PRDM16: variants seen among roughly 807,000 people sequenced by gnomAD.
The protein encoded by PRDM16 is histone-lysine N-methyltransferase PRDM16.
A neutral mutation model predicts 110.6 loss-of-function variants in PRDM16; 23 were observed. That is an observed-to-expected ratio of 0.21 (90% CI 0.15 to 0.29). The LOEUF is 0.29. Ranked by LOEUF, PRDM16 falls within the 10% of genes least tolerant of loss-of-function variation. PRDM16 has a pLI of 1.00. For missense variants in PRDM16, 1,615 were observed against 1,794.3 expected, an observed-to-expected ratio of 0.90 and a Z score of 1.81; for synonymous variants, 799 against 781.8, an observed-to-expected ratio of 1.02 and a Z score of -0.37.
At chr1:3,227,896 C>T (rs1013461997) in intron 2 of PRDM16, among the ~76,000 whole-genome samples, 6 of 151,970 alleles carry the variant, frequency 3.9e-5, no homozygotes, top group East Asian at 1.9e-4. Flanking sequence ...TTTTCCATCA[C>T]GACAAGTGCC....
intron 2 of PRDM16, among the ~76,000 whole-genome samples, chr1:3,194,985 G>A (rs902240876): frequency 2.4e-4 from 36 of 152,326 alleles, no homozygotes; most frequent in African/African-American, 8.2e-4. Flanking sequence ...TCCCCACTCA[G>A]GAGCTTCTGG....
At chr1:3,224,631 G>A (rs1220373442) in intron 2 of PRDM16, among the ~76,000 whole-genome samples, 1 of 152,236 alleles carries the variant, frequency 6.6e-6, no homozygotes, top group Admixed American at 6.5e-5. Flanking sequence ...TCTTAAACCT[G>A]CAGAACTGTG....
At chr1:3,396,357 T>C in intron 4 of PRDM16, 134 bp from the exon 5 acceptor site, 1 of 709,600 alleles carries the variant, frequency 1.4e-6, no homozygotes. Flanking sequence ...TAGTGGACCC[T>C]CTTGGTGGCA....
rs1638914777 is a variant in PRDM16, at chr1:3,436,545, C to A, written c.*2734C>A. 4.3e-6 allele frequency: 1 copy of A among 231,336 alleles called. No individual in the cohort carries two copies. Among genetic ancestry groups the A allele is most frequent in the Admixed American group, 5.6e-5 (1 of 17,724 alleles). The allele number at this position is 231,336 out of a possible 1,614,324, so 14.3% of individuals were successfully genotyped here. A position where few individuals can be genotyped will look rare whatever the true frequency, so the allele number is the denominator to read the frequency against. On this transcript the variant is annotated 3_prime_UTR_variant, in exon 17 of 17. Coordinates refer to ENST00000270722, the MANE Select transcript of PRDM16 (RefSeq NM_022114.4). ...GAGGCCCTGTTCTTAGAGCCCCTGACAAAGGCAGCACTTATTTCCTGGGCT... is the reference window on the plus strand; with the variant it reads ...GAGGCCCTGTTCTTAGAGCCCCTGAAAAAGGCAGCACTTATTTCCTGGGCT...
At chr1:3,397,145 C>T (rs571389583) in intron 5 of PRDM16, among the ~76,000 whole-genome samples, 2 of 152,284 alleles carry the variant, frequency 1.3e-5, no homozygotes, top group African/African-American at 4.8e-5. Flanking sequence ...GCAAAATGTG[C>T]ATCTGTAGCT....
chr1:3,131,781 G>T (rs943841038), intron 1 of PRDM16, among the ~76,000 whole-genome samples: 1 of 152,170 alleles, frequency 6.6e-6, no homozygotes, highest in African/African-American at 2.4e-5. Context: ...AGGGGAGGCC[G>T]TGGCCCAGGC....
intron 12 of PRDM16, among the ~76,000 whole-genome samples, chr1:3,419,749 G>A (rs1023100974): frequency 6.6e-6 from 1 of 152,052 alleles, no homozygotes; most frequent in Non-Finnish European, 1.5e-5. Flanking sequence ...CCATCCCTGG[G>A]GAAGGAGACC....
rs76494938 is a variant in PRDM16 at position 3,175,159 on chromosome 1, A to G, written c.38-10966A>G. ...GGAGAAGCTATTGCCTTTACCGCACAGTTTTAAAGACAGAAGAACAAGATA... is the reference window on the plus strand; with the variant it reads ...GGAGAAGCTATTGCCTTTACCGCACGGTTTTAAAGACAGAAGAACAAGATA... On this transcript the variant is annotated intron_variant, in intron 1 of 16. Transcript: ENST00000270722. The surrounding 1 kb of genome is among the most constrained non-coding windows in gnomAD (Gnocchi z 4.8). Among the ~76,000 whole-genome samples, 618 of 152,316 alleles carry G rather than the reference A, an allele frequency of 4.1e-3. 3 individuals carry two copies. Among genetic ancestry groups the G allele is most frequent in the African/African-American group, 0.014 (576 of 41,564 alleles).
chr1:3,368,104 A>G (rs1642846948), intron 3 of PRDM16, among the ~76,000 whole-genome samples: 1 of 152,192 alleles, frequency 6.6e-6, no homozygotes, highest in South Asian at 2.1e-4. Context: ...CAGTCTATCC[A>G]TTCCCAACAG....
intron 3 of PRDM16, among the ~76,000 whole-genome samples, chr1:3,270,465 CGAG>C (rs1640420398): frequency 8.1e-6 from 1 of 122,882 alleles, no homozygotes; most frequent in Non-Finnish European, 1.7e-5. Flanking sequence ...GGACAGTCGG[CGAG>C]GAGGACAGTC....
At chr1:3,332,142 G>A (rs1447116357) in intron 3 of PRDM16, among the ~76,000 whole-genome samples, 4 of 152,218 alleles carry the variant, frequency 2.6e-5, no homozygotes, top group East Asian at 1.9e-4. Context: ...TTCAGGCTCC[G>A]CATCTCCCAC....
chr1:3,239,117 G>C (rs756136059), intron 2 of PRDM16, among the ~76,000 whole-genome samples: 1 of 152,182 alleles, frequency 6.6e-6, no homozygotes, highest in Non-Finnish European at 1.5e-5. Context: ...CAGCACCCAC[G>C]GCTTCCATTT....
chr1:3,353,241 G>C lies in PRDM16; in HGVS notation c.439-31911G>C, dbSNP rs1245146852. Among the ~76,000 whole-genome samples, 1 of 152,230 alleles carries C rather than the reference G, an allele frequency of 6.6e-6. No homozygotes were observed. The highest frequency in any genetic ancestry group is 2.4e-5 in the African/African-American group (1 of 41,472). Reference sequence around the variant, plus strand: ...TGAAATGCATGTTGCCTGAGGTGCGGTAAAAGTTTACGAGGGCTGGGCAGC... The same window carrying C: ...TGAAATGCATGTTGCCTGAGGTGCGCTAAAAGTTTACGAGGGCTGGGCAGC... On this transcript the variant is annotated intron_variant, in intron 3 of 16. Coordinates refer to ENST00000270722, the MANE Select transcript of PRDM16 (RefSeq NM_022114.4). This position sits in a 1 kb window ranked among gnomAD's most constrained non-coding sequence, Gnocchi z 5.4.
At chr1:3,145,884 C>T (rs903070451) in intron 1 of PRDM16, among the ~76,000 whole-genome samples, 5 of 152,208 alleles carry the variant, frequency 3.3e-5, no homozygotes, top group South Asian at 2.1e-4. Flanking sequence ...AGCAGGTGGG[C>T]AGCCCGGTCA....
intron 2 of PRDM16, among the ~76,000 whole-genome samples, chr1:3,238,879 G>T (rs1211310158): frequency 1.3e-5 from 2 of 152,240 alleles, no homozygotes; most frequent in Non-Finnish European, 2.9e-5. Context: ...GCAGCTCCTC[G>T]ACATCTGCCC....
rs907228736 is a variant in PRDM16 at position 3,190,502 on chromosome 1, G to A, written c.387+4028G>A. ...AACCCGCTTTGTTCCTGGGTGCTGC[G>A]AGGCATCCTGAGCTGTGCCCTGAGT... On this transcript the variant is annotated intron_variant, in intron 2 of 16. Transcript: ENST00000270722. This position sits in a 1 kb window ranked among gnomAD's most constrained non-coding sequence, Gnocchi z 5.0. Among the ~76,000 whole-genome samples, 10 of 152,108 alleles carry A rather than the reference G, an allele frequency of 6.6e-5. No individual in the cohort carries two copies. Among genetic ancestry groups the A allele is most frequent in the African/African-American group, 1.7e-4 (7 of 41,430 alleles).
At chr1:3,343,784 G>A (rs554040258) in intron 3 of PRDM16, among the ~76,000 whole-genome samples, 2 of 151,998 alleles carry the variant, frequency 1.3e-5, no homozygotes, top group African/African-American at 4.8e-5. Context: ...GGGACTACAG[G>A]CATCCACCAC....
In PRDM16 at chr1:3,217,098, G is replaced by A. The variant is rs558060717; in HGVS notation, c.388-26989G>A. Among the ~76,000 whole-genome samples, 67 of 152,384 alleles carry A rather than the reference G, an allele frequency of 4.4e-4. 2 individuals are homozygous for A. The highest frequency in any genetic ancestry group is 3.1e-3 in the Admixed American group (47 of 15,308). On this transcript the variant is annotated intron_variant, in intron 2 of 16. Transcript: ENST00000270722. ...GTGTGGTGTTTTCCTCCAGGGCTCC[G>A]TGACCAAAGCTCATTCCCAAACAGG...
intron 3 of PRDM16, among the ~76,000 whole-genome samples, chr1:3,271,857 TC>T (rs1640463715): frequency 6.6e-6 from 1 of 152,092 alleles, no homozygotes; most frequent in South Asian, 2.1e-4. Flanking sequence ...TCTCTTCTGC[TC>T]CCATCTGGGG....
Sources: allele counts gnomAD v4.1 joint callset (sites outside exome capture counted in the v4.1 genomes callset), GRCh38; gene constraint gnomAD v4.1.1; non-coding constraint Gnocchi (gnomAD v3.1); transcripts MANE v1.5; gene names NCBI Gene and HGNC (gene_info 2026-07-23, HGNC 2026-07-21).